The following EVL variants were observed in gnomAD, a reference collection of about 807,000 sequenced individuals.
The protein encoded by EVL is ena/VASP-like protein.
In EVL, 21 loss-of-function variants were observed where a neutral mutation model predicts 59.6. That is an observed-to-expected ratio of 0.35 (90% confidence interval 0.25 to 0.51). The LOEUF (loss-of-function observed/expected upper bound fraction) is 0.51, where lower values mean the gene tolerates loss of function less well. EVL is among the 20% of genes least tolerant of loss of function. EVL has a pLI of 0.97. For synonymous variants in EVL, 198 were observed against 203.5 expected (o/e 0.97, Z 0.23); for missense variants, 462 against 546.6 (o/e 0.85, Z 1.54).
intron 1 of EVL, among the ~76,000 whole-genome samples, chr14:100,055,196 T>TAA (rs34987173): frequency 7.9e-4 from 111 of 139,846 alleles, no homozygotes; most frequent in East Asian, 2.7e-3. Context: ...TGAGACTCCT[T>TAA]AAAAAAAAAA....
intron 5 of EVL, among the ~76,000 whole-genome samples, chr14:100,128,262 G>A (rs1487242040): frequency 6.6e-6 from 1 of 152,236 alleles, no homozygotes; most frequent in African/African-American, 2.4e-5. Context: ...TGGGCTCAAG[G>A]AATGTTAAGC....
rs994434144 is a variant in EVL, at chr14:100,130,047, G to A, written c.839+363G>A. ...ACAGAAATAAGATGTGGCCGCAGTG[G>A]TCGAGTTTGCAGAGGACACTCTGGT... On this transcript the variant is annotated intron_variant, in intron 7 of 13. Coordinates refer to ENST00000392920, the MANE Select transcript of EVL (RefSeq NM_016337.3). The surrounding 1 kb of genome is among the most constrained non-coding windows in gnomAD (Gnocchi z 4.8). 6.6e-6 allele frequency among the ~76,000 whole-genome samples: 1 copy of A among 152,248 alleles called. No individual in the cohort carries two copies. Among genetic ancestry groups the A allele is most frequent in the East Asian group, 1.9e-4 (1 of 5,198 alleles).
chr14:100,051,621 T>G (rs994542424), intron 1 of EVL, among the ~76,000 whole-genome samples: 28 of 152,354 alleles, frequency 1.8e-4, no homozygotes, highest in African/African-American at 6.3e-4. Flanking sequence ...GGTTCTTGTT[T>G]TTTATTCAAT....
intron 1 of EVL, among the ~76,000 whole-genome samples, chr14:100,045,108 C>T (rs546883786): frequency 2.8e-4 from 43 of 152,324 alleles, no homozygotes; most frequent in Non-Finnish European, 5.7e-4. Context: ...ACCTCACTCC[C>T]GTCTGCAGTT....
At chr14:100,019,783 A>G (rs949958054) in intron 1 of EVL, 2 of 1,218,664 alleles carry the variant, frequency 1.6e-6, no homozygotes, top group African/African-American at 3.1e-5. Context: ...GCTGGTTCTC[A>G]CAAAAAAAAC....
intron 1 of EVL, among the ~76,000 whole-genome samples, chr14:99,983,346 C>T (rs2060820277): frequency 6.6e-6 from 1 of 152,134 alleles, no homozygotes; most frequent in Admixed American, 6.5e-5. Flanking sequence ...TTACTTCAGT[C>T]GAGCACACTT....
intron 1 of EVL, among the ~76,000 whole-genome samples, chr14:99,996,261 C>T (rs961090641): frequency 2.6e-5 from 4 of 151,622 alleles, no homozygotes; most frequent in Non-Finnish European, 1.5e-5. Context: ...TCTTGGCATA[C>T]TTGGGGTACA....
chr14:100,078,491 G>A lies in EVL; in HGVS notation c.12-6196G>A, dbSNP rs575417987. Among the ~76,000 whole-genome samples the A allele has an allele frequency of 1.7e-4, 25 of 151,372 alleles. 1 individual carries two copies. The South Asian group carries it at 5.2e-3, about 32-fold the overall frequency. On this transcript the variant is annotated intron_variant, in intron 1 of 13. Coordinates refer to ENST00000392920, the MANE Select transcript of EVL (RefSeq NM_016337.3). Reference sequence around the variant, plus strand: ...ACACATTGGAGCTGGAAGTGGAAAGGCAGTAACCTTGTCTGGGCTTATTTA... The same window carrying A: ...ACACATTGGAGCTGGAAGTGGAAAGACAGTAACCTTGTCTGGGCTTATTTA...
rs2061347794 is a variant in EVL at position 100,033,756 on chromosome 14, C to T, written c.6-50931C>T. Among the ~76,000 whole-genome samples, 2 of 152,148 alleles carry T rather than the reference C, an allele frequency of 1.3e-5. 1 individual carries two copies. Among genetic ancestry groups the T allele is most frequent in the Non-Finnish European group, 2.9e-5 (2 of 68,046 alleles). On this transcript the variant is annotated intron_variant, in intron 1 of 13. Coordinates refer to the EVL transcript ENST00000402714. ...TGCTCTTGTTGTCATGTCCATTTTA[C>T]AGATGAAGAAAGTGAGTCATATGCT...
chr14:100,063,278 G>C (rs1473900523), upstream of EVL, among the ~76,000 whole-genome samples: 1 of 152,170 alleles, frequency 6.6e-6, no homozygotes, highest in Non-Finnish European at 1.5e-5. Flanking sequence ...AGATGTCACT[G>C]TGGAAGAAGG....
intron 3 of EVL, 69 bp from the exon 4 acceptor site, chr14:100,123,470 C>A: frequency 6.7e-7 from 1 of 1,500,912 alleles, no homozygotes; most frequent in Non-Finnish European, 9.2e-7. Context: ...AGATAGAGAG[C>A]ACTCCAGTTG....
intron 1 of EVL, among the ~76,000 whole-genome samples, chr14:99,995,147 A>G (rs968215653): frequency 6.6e-6 from 1 of 152,008 alleles, no homozygotes; most frequent in South Asian, 2.1e-4. Context: ...GATTTATTCT[A>G]TTTGGAGTTT....
At chr14:100,140,050 T>C in intron 11 of EVL, 1 of 151,732 alleles carries the variant, frequency 6.6e-6, no homozygotes, top group Non-Finnish European at 1.5e-5. Flanking sequence ...GCCCAGGACT[T>C]GGAGACCAGT....
intron 1 of EVL, among the ~76,000 whole-genome samples, chr14:100,010,159 G>T (rs2061007310): frequency 1.3e-5 from 2 of 152,292 alleles, no homozygotes; most frequent in South Asian, 2.1e-4. Context: ...AAGAGACTTT[G>T]CAGGGCAATT....
chr14:100,031,999 T>C (rs2061321821), intron 1 of EVL, among the ~76,000 whole-genome samples: 1 of 152,222 alleles, frequency 6.6e-6, no homozygotes, highest in Non-Finnish European at 1.5e-5. Flanking sequence ...AAGTTACCAC[T>C]CTTATTCATT....
intron 1 of EVL, among the ~76,000 whole-genome samples, chr14:99,993,637 T>C (rs2060889979): frequency 6.6e-6 from 1 of 151,722 alleles, no homozygotes; most frequent in East Asian, 1.9e-4. Flanking sequence ...TGATTACTGC[T>C]TCAATTTCTT....
At chr14:100,136,014 G>C in intron 9 of EVL, 46 bp downstream of exon 9, 3 of 1,602,626 alleles carry the variant, frequency 1.9e-6, no homozygotes, top group Non-Finnish European at 8.5e-7. Flanking sequence ...TGAGGTCTCA[G>C]AGTGGGAGGG....
intron 1 of EVL, among the ~76,000 whole-genome samples, chr14:100,068,412 T>C (rs910485171): frequency 1.3e-5 from 2 of 152,110 alleles, no homozygotes; most frequent in Non-Finnish European, 2.9e-5. Context: ...TGTCAGAATT[T>C]AGTTAGGGGA....
At chr14:100,047,893 G>T (rs920489965) in intron 1 of EVL, among the ~76,000 whole-genome samples, 1 of 152,162 alleles carries the variant, frequency 6.6e-6, no homozygotes, top group African/African-American at 2.4e-5. Context: ...TCAGCAAATG[G>T]TACTGGAACA....
Sources: gnomAD v4.1 joint callset for allele counts (sites outside exome capture counted in the v4.1 genomes callset) on GRCh38, gnomAD v4.1.1 for gene constraint, Gnocchi (gnomAD v3.1) non-coding constraint, MANE v1.5 for transcripts, NCBI Gene and HGNC (gene_info 2026-07-23, HGNC 2026-07-21) for gene names.